DSCAM: variants seen among roughly 807,000 people sequenced by gnomAD.
DSCAM encodes the protein DS cell adhesion molecule.
Under a neutral mutation model 217.7 loss-of-function variants are expected in DSCAM, and 47 were observed. The observed-to-expected ratio is 0.22, with a 90% CI of 0.17 to 0.28. The LOEUF (loss-of-function observed/expected upper bound fraction) is 0.28, where lower values mean the gene tolerates loss of function less well. Among genes scored for constraint, DSCAM ranks in the 10% least tolerant of loss-of-function variants. The probability of loss-of-function intolerance (pLI) is 1.00; values close to 1 mark genes in which losing one functional copy is unlikely to be tolerated. For synonymous variants in DSCAM, 1,056 were observed against 1,015.3 expected (o/e 1.04, Z -0.76); for missense variants, 2,080 against 2,618.3 (o/e 0.79, Z 4.49).
At chr21:40,409,044 G>T (rs1392469730) in intron 3 of DSCAM, among the ~76,000 whole-genome samples, 2 of 152,108 alleles carry the variant, frequency 1.3e-5, no homozygotes, top group Admixed American at 1.3e-4. Context: ...CAATATTAAT[G>T]CTTACAAAGA....
chr21:40,241,927 A>G (rs918704880), intron 11 of DSCAM, among the ~76,000 whole-genome samples: 2 of 152,216 alleles, frequency 1.3e-5, no homozygotes, highest in East Asian at 1.9e-4. Flanking sequence ...GTTATCACTT[A>G]TAAGTGGGAG....
chr21:40,675,456 T>C (rs1157718854), intron 3 of DSCAM, among the ~76,000 whole-genome samples: 1 of 152,220 alleles, frequency 6.6e-6, no homozygotes, highest in Non-Finnish European at 1.5e-5. Flanking sequence ...GAGTCCCTCC[T>C]ATAGAATCCC....
intron 28 of DSCAM, among the ~76,000 whole-genome samples, chr21:40,058,325 G>A (rs2146511130): frequency 6.6e-6 from 1 of 152,266 alleles, no homozygotes; most frequent in South Asian, 2.1e-4. Context: ...CTGGCCCTGC[G>A]ATGGGGACGT....
At chr21:40,791,852 C>T (rs766696418) in intron 1 of DSCAM, among the ~76,000 whole-genome samples, 1 of 152,046 alleles carries the variant, frequency 6.6e-6, no homozygotes, top group South Asian at 2.1e-4. Context: ...AGTCCATTTC[C>T]CCACAGCTCA....
intron 32 of DSCAM, among the ~76,000 whole-genome samples, chr21:40,038,964 C>A (rs554327438): frequency 2.2e-5 from 3 of 136,412 alleles, no homozygotes; most frequent in African/African-American, 8.4e-5. Context: ...GGGAATTGAA[C>A]AATGAGATCA....
Position 40,012,305 on chromosome 21 carries a change from G to A in DSCAM, c.*729C>T, listed in dbSNP as rs2088069815. On this transcript the variant is annotated 3_prime_UTR_variant, in exon 33 of 33. Transcript: ENST00000400454. ...AGTTCAGGGTGTTAGTATCGACTCT[G>A]GTTTATTGAATTGGGCTCTGGGTTC... 1 of 152,156 alleles carries A rather than the reference G, an allele frequency of 6.6e-6. No homozygotes were observed. The highest frequency in any genetic ancestry group is 2.4e-5 in the African/African-American group (1 of 41,406). The allele number at this position is 152,156 out of a possible 1,614,324, so 9.4% of individuals were successfully genotyped here. A position where few individuals can be genotyped will look rare whatever the true frequency, so the allele number is the denominator to read the frequency against.
chr21:40,095,575 C>T (rs1418789494), intron 20 of DSCAM, among the ~76,000 whole-genome samples: 8 of 152,140 alleles, frequency 5.3e-5, no homozygotes, highest in African/African-American at 1.7e-4. Flanking sequence ...TGCTAATGGG[C>T]GTGCAGTTTC....
At chr21:40,473,488 T>C (rs181368313) in intron 3 of DSCAM, among the ~76,000 whole-genome samples, 125 of 152,290 alleles carry the variant, frequency 8.2e-4, no homozygotes, top group African/African-American at 2.6e-3. Flanking sequence ...CCTTAGATAA[T>C]AGCCTGGTGT....
chr21:40,393,974 A>G (rs372700219), intron 3 of DSCAM, among the ~76,000 whole-genome samples: 9 of 152,294 alleles, frequency 5.9e-5, no homozygotes, highest in East Asian at 5.8e-4. Flanking sequence ...ATAAGTTTCC[A>G]AATAGATATT....
At chr21:40,846,550 ACCCCCCACCCCCCCG>A in intron 1 of DSCAM, 54 bp downstream of exon 1, 1 of 163,412 alleles carries the variant, frequency 6.1e-6, no homozygotes, top group South Asian at 5.9e-5. Flanking sequence ...ATCCAATGCC[ACCCCCCACCCCCCCG>A]CCCCCCCGGT....
chr21:40,634,610 A>G (rs1429854891), intron 3 of DSCAM, among the ~76,000 whole-genome samples: 1 of 152,258 alleles, frequency 6.6e-6, no homozygotes, highest in African/African-American at 2.4e-5. Context: ...GTATCTTAAT[A>G]CATCAAATAA....
At chr21:40,451,869 C>T (rs986844778) in intron 3 of DSCAM, among the ~76,000 whole-genome samples, 1 of 152,066 alleles carries the variant, frequency 6.6e-6, no homozygotes, top group Non-Finnish European at 1.5e-5. Flanking sequence ...TCTGATTTTT[C>T]ACTGACGCAA....
chr21:40,327,139 C>T (rs576522766), intron 8 of DSCAM, among the ~76,000 whole-genome samples: 299 of 152,040 alleles, frequency 2.0e-3, no homozygotes, highest in Non-Finnish European at 3.1e-3. Flanking sequence ...GTCATTATCA[C>T]GGCATTATTT....
At chr21:40,378,703 T>C (rs1186237505) in intron 3 of DSCAM, among the ~76,000 whole-genome samples, 34 of 146,474 alleles carry the variant, frequency 2.3e-4, no homozygotes, top group East Asian at 4.0e-4. Flanking sequence ...GCCATTCTCC[T>C]GCCTCAGCCT....
intron 8 of DSCAM, among the ~76,000 whole-genome samples, chr21:40,321,847 A>T (rs1601549543): frequency 6.6e-6 from 1 of 152,160 alleles, no homozygotes; most frequent in South Asian, 2.1e-4. Flanking sequence ...GAGCAACTGC[A>T]CCTGACCCAC....
intron 20 of DSCAM, among the ~76,000 whole-genome samples, chr21:40,099,473 C>G (rs1368829206): frequency 3.9e-5 from 6 of 152,186 alleles, no homozygotes; most frequent in Admixed American, 3.9e-4. Flanking sequence ...GATGTCACCA[C>G]CCTTTGATGC....
intron 3 of DSCAM, among the ~76,000 whole-genome samples, chr21:40,473,102 A>C (rs989498428): frequency 2.0e-5 from 3 of 152,178 alleles, no homozygotes; most frequent in Non-Finnish European, 4.4e-5. Flanking sequence ...CCAGGCAGAG[A>C]CCTTCCTAAA....
intron 1 of DSCAM, among the ~76,000 whole-genome samples, chr21:40,720,181 T>C (rs2090886601): frequency 1.3e-5 from 2 of 152,234 alleles, no homozygotes; most frequent in African/African-American, 2.4e-5. Context: ...AAGTTAGCTT[T>C]ATTGATTTCA....
At chr21:40,137,610 C>CAT (rs1420381790) in intron 18 of DSCAM, among the ~76,000 whole-genome samples, 38 of 114,498 alleles carry the variant, frequency 3.3e-4, no homozygotes, top group African/African-American at 1.1e-3. Flanking sequence ...CACACACACA[C>CAT]ACACACACAC....
Sources: allele counts gnomAD v4.1 joint callset (sites outside exome capture counted in the v4.1 genomes callset), GRCh38; gene constraint gnomAD v4.1.1; transcripts MANE v1.5; gene names NCBI Gene and HGNC (gene_info 2026-07-23, HGNC 2026-07-21).